Variants in FANCB observed in about 807,000 individuals in gnomAD.
FANCB encodes the protein Fanconi anemia group B protein.
A neutral mutation model predicts 38.9 loss-of-function variants in FANCB; 5 were observed. The ratio of observed to expected loss-of-function variants is 0.13; its 90% CI spans 0.07 to 0.27. The LOEUF is 0.27. Among genes scored for constraint, FANCB ranks in the 10% least tolerant of loss-of-function variants. The pLI is 1.00. For missense variants in FANCB, 573 were observed against 602.7 expected (o/e 0.95, Z 0.52); for synonymous variants, 236 against 215.4 (o/e 1.10, Z -0.84).
chrX:14,734,885 C>T, the FANCB span, among the ~76,000 whole-genome samples: 1 of 109,282 alleles, frequency 9.2e-6, no homozygotes, highest in Non-Finnish European at 1.9e-5. Context: ...TTGGTGTTTT[C>T]ACATAGTCCC....
chrX:14,776,566 G>A, the FANCB span, among the ~76,000 whole-genome samples: 1 of 112,404 alleles, frequency 8.9e-6, no homozygotes, highest in Admixed American at 9.4e-5. Flanking sequence ...GAGAAAAGGG[G>A]ACTGTGAAGG....
At chrX:14,847,322 G>T (rs2092380950) in intron 7 of FANCB, among the ~76,000 whole-genome samples, 1 of 110,961 alleles carries the variant, frequency 9.0e-6, no homozygotes, top group South Asian at 3.7e-4. Flanking sequence ...AAAAAAGAAA[G>T]AATAAAATTT....
At position 14,848,323 on chromosome X, in the gene FANCB, A is replaced by T. The variant is rs192012792; in HGVS notation, c.1496+2182T>A. Among the ~76,000 whole-genome samples, 4 of 112,107 alleles carry T rather than the reference A, an allele frequency of 3.6e-5. No individual in the cohort carries two copies. In the East Asian group the frequency reaches 1.1e-3, roughly 32 times the overall value. ...GGACGTGCAGTCAGGGAGGTTTCACATCACCAAGATTCCTATCCCAGAAAA... is the reference window on the plus strand; with the variant it reads ...GGACGTGCAGTCAGGGAGGTTTCACTTCACCAAGATTCCTATCCCAGAAAA... On this transcript the variant is annotated intron_variant, in intron 7 of 9. Coordinates refer to ENST00000650831, the MANE Select transcript of FANCB (RefSeq NM_001018113.3).
chrX:14,743,316 G>T, the FANCB span, among the ~76,000 whole-genome samples: 1 of 111,470 alleles, frequency 9.0e-6, no homozygotes, highest in Non-Finnish European at 1.9e-5. Context: ...AATGTCAAAG[G>T]TATCTGAAAA....
In FANCB at chrX:14,859,327, G is replaced by A; in HGVS notation, c.959C>T (p.Ala320Val). 8.4e-7 allele frequency: 1 copy of A among 1,189,143 alleles called. No homozygotes were observed. ...TACTAAGCTAAGTTTTTCCCATTTA[G>A]CAGCAACCTAAAAGAAAGGGAGCAT... ...AVWKESFQVA[A>V]KWEKLSLVLI... Residue 320 changes from alanine to valine, a missense_variant, in exon 4 of 10, where the codon GCT (alanine) becomes GTT (valine). Ala to Val is a moderately conservative substitution (Grantham distance 64). Coordinates refer to ENST00000650831, the MANE Select transcript of FANCB (RefSeq NM_001018113.3).
the FANCB span, among the ~76,000 whole-genome samples, chrX:14,695,958 G>T: frequency 9.0e-6 from 1 of 110,702 alleles, no homozygotes; most frequent in African/African-American, 3.3e-5. Context: ...TGACTTTAAA[G>T]TGTGAACAAT....
At chrX:14,855,497 T>C (rs1014460301) in intron 5 of FANCB, among the ~76,000 whole-genome samples, 4 of 112,141 alleles carry the variant, frequency 3.6e-5, no homozygotes, top group African/African-American at 1.3e-4. Context: ...GCCTTTCATA[T>C]TTTCCCTGTC....
the FANCB span, among the ~76,000 whole-genome samples, chrX:14,726,409 C>T: frequency 8.9e-6 from 1 of 112,098 alleles, no homozygotes; most frequent in Admixed American, 9.5e-5. Flanking sequence ...AGCATTCATA[C>T]CTCCTGCACA....
chrX:14,792,401 T>G, the FANCB span, among the ~76,000 whole-genome samples: 1 of 111,005 alleles, frequency 9.0e-6, no homozygotes, highest in South Asian at 3.8e-4. Context: ...GGCTGAGCTG[T>G]CCCTCCTCGA....
chrX:14,711,800 T>G, the FANCB span, among the ~76,000 whole-genome samples: 1 of 112,401 alleles, frequency 8.9e-6, no homozygotes, highest in Non-Finnish European at 1.9e-5. Context: ...AAACCAGAGT[T>G]TTCGCTCCAG....
the FANCB span, among the ~76,000 whole-genome samples, chrX:14,788,575 C>G: frequency 8.9e-6 from 1 of 112,113 alleles, no homozygotes; most frequent in Non-Finnish European, 1.9e-5. Flanking sequence ...ATAGGCAGAG[C>G]CTAACACGGC....
chrX:14,734,064 G>A, the FANCB span, among the ~76,000 whole-genome samples: 1 of 112,161 alleles, frequency 8.9e-6, no homozygotes, highest in East Asian at 2.8e-4. Flanking sequence ...CTGAAGACCT[G>A]TCTCATCAAA....
intron 1 of FANCB, among the ~76,000 whole-genome samples, chrX:14,872,479 CTG>C (rs1229636982): frequency 1.8e-5 from 2 of 111,428 alleles, no homozygotes; most frequent in Non-Finnish European, 3.8e-5. Flanking sequence ...GGCTGGATAA[CTG>C]TTGTGAATTT....
chrX:14,705,800 T>C, the FANCB span, among the ~76,000 whole-genome samples: 18 of 112,079 alleles, frequency 1.6e-4, no homozygotes, highest in African/African-American at 5.8e-4. Context: ...GCATGAATTT[T>C]GTTGGGTGTA....
chrX:14,733,981 TA>T, the FANCB span, among the ~76,000 whole-genome samples: 3 of 112,494 alleles, frequency 2.7e-5, no homozygotes, highest in Admixed American at 9.5e-5. Flanking sequence ...TTAAGTATTT[TA>T]ATATTCTTTT....
At chrX:14,776,517 T>C in the FANCB span, among the ~76,000 whole-genome samples, 1 of 111,747 alleles carries the variant, frequency 8.9e-6, no homozygotes, top group Admixed American at 9.4e-5. Flanking sequence ...TTGTAAATGG[T>C]ATTGAATAGC....
chrX:14,828,836 C>T, the FANCB span, among the ~76,000 whole-genome samples: 1 of 111,377 alleles, frequency 9.0e-6, no homozygotes, highest in Non-Finnish European at 1.9e-5. Flanking sequence ...CTCAGCCTCT[C>T]GAGTAGCTGG....
chrX:14,695,948 T>A, the FANCB span, among the ~76,000 whole-genome samples: 1 of 110,662 alleles, frequency 9.0e-6, no homozygotes, highest in African/African-American at 3.3e-5. Context: ...ACTGTGGTTA[T>A]GACTTTAAAG....
At chrX:14,753,467 A>G in the FANCB span, among the ~76,000 whole-genome samples, 6 of 112,585 alleles carry the variant, frequency 5.3e-5, no homozygotes, top group African/African-American at 1.9e-4. Flanking sequence ...TAAAACAAAA[A>G]TTTATTAGAA....
Sources: allele counts gnomAD v4.1 joint callset (sites outside exome capture counted in the v4.1 genomes callset), GRCh38; gene constraint gnomAD v4.1.1; transcripts MANE v1.5; gene names NCBI Gene and HGNC (gene_info 2026-07-23, HGNC 2026-07-21).